Variants in TMEM91 observed in about 807,000 individuals in gnomAD.
TMEM91 encodes dispanin subfamily C member 3.
Under a neutral mutation model 13.3 loss-of-function variants are expected in TMEM91, and 6 were observed. That is an observed-to-expected ratio of 0.45 (90% confidence interval 0.25 to 0.89). The LOEUF (loss-of-function observed/expected upper bound fraction) is 0.89. TMEM91 is among the 40% of genes least tolerant of loss of function. The probability of loss-of-function intolerance (pLI) is 0.19; values close to 1 mark genes in which losing one functional copy is unlikely to be tolerated. For missense variants in TMEM91, 193 were observed against 228.7 expected (o/e 0.84, Z 1.01); for synonymous variants, 87 against 101.7 (o/e 0.86, Z 0.87).
Position 41,383,919 on chromosome 19 carries a change from C to A in TMEM91, c.*46C>A. Reference sequence around the variant, plus strand: ...GTGAACCCTGAGGCCGGCAGCCCAGCAAATCTGTGGGCAGAGAGTGGAGAA... The same window carrying A: ...GTGAACCCTGAGGCCGGCAGCCCAGAAAATCTGTGGGCAGAGAGTGGAGAA... On this transcript the variant is annotated 3_prime_UTR_variant, in exon 4 of 4. Coordinates refer to ENST00000392002, the MANE Select transcript of TMEM91 (RefSeq NM_001098821.2). 6.3e-7 allele frequency: 1 copy of A among 1,577,570 alleles called. No homozygotes were observed. The highest frequency in any genetic ancestry group is 1.9e-5 in the Admixed American group (1 of 51,658).
At chr19:41,369,379 G>C (rs368196333) in intron 1 of TMEM91, among the ~76,000 whole-genome samples, 1 of 151,842 alleles carries the variant, frequency 6.6e-6, no homozygotes. Context: ...GTATGGCCGC[G>C]CCTGGCCATC....
At chr19:41,368,288 A>G (rs1270440423) in intron 1 of TMEM91, among the ~76,000 whole-genome samples, 1 of 151,902 alleles carries the variant, frequency 6.6e-6, no homozygotes, top group African/African-American at 2.4e-5. Context: ...ATGGTGACAC[A>G]TGTCTGCAGT....
chr19:41,375,377 C>G (rs1351053360), upstream of TMEM91, among the ~76,000 whole-genome samples: 2 of 139,794 alleles, frequency 1.4e-5, no homozygotes, highest in Non-Finnish European at 3.0e-5. Flanking sequence ...CTCCCGGGTC[C>G]ACGCCATTCT....
intron 1 of TMEM91, among the ~76,000 whole-genome samples, chr19:41,370,688 A>G (rs975660561): frequency 1.3e-5 from 2 of 151,710 alleles, no homozygotes; most frequent in African/African-American, 4.8e-5. Flanking sequence ...TACAAGCGTG[A>G]GCCACCGTGC....
rs34140170 is a variant in TMEM91 at position 41,371,311 on chromosome 19, CTCCTTCCTTCCT to C, written c.-29-6923_-29-6912del. On this transcript the variant is annotated intron_variant, in intron 1 of 3. Transcript: ENST00000413014. ...ACCACCATGCCTGGCCCACTATCCT[CTCCTTCCTTCCT>C]TCCTTCCTTCCTTCCTTCCTTCCTT... Among the ~76,000 whole-genome samples the C allele has an allele frequency of 9.2e-3, 1,027 of 111,980 alleles. 11 individuals carry two copies. Among genetic ancestry groups the C allele is most frequent in the African/African-American group, 0.029 (813 of 28,124 alleles). 73.5% of individuals were successfully genotyped at this position (111,980 alleles called of 152,430 possible).
chr19:41,370,973 G>A (rs1276685574), intron 1 of TMEM91, among the ~76,000 whole-genome samples: 1 of 151,946 alleles, frequency 6.6e-6, no homozygotes, highest in Non-Finnish European at 1.5e-5. Context: ...AAAGTGCTGG[G>A]ATTACAGGCG....
intron 3 of TMEM91, 121 bp from the exon 4 acceptor site, chr19:41,383,594 G>A (rs376577519): frequency 5.6e-5 from 91 of 1,613,526 alleles, no homozygotes; most frequent in Non-Finnish European, 7.2e-5. Context: ...TAGGTGCTAC[G>A]TATCTGCTTT....
intron 1 of TMEM91, among the ~76,000 whole-genome samples, chr19:41,369,630 C>A (rs909902750): frequency 6.6e-6 from 1 of 151,600 alleles, no homozygotes; most frequent in African/African-American, 2.4e-5. Flanking sequence ...CATGGTGAAA[C>A]CCCATCCCTC....
chr19:41,371,325 C>T (rs1332320764), intron 1 of TMEM91, among the ~76,000 whole-genome samples: 2 of 142,414 alleles, frequency 1.4e-5, no homozygotes, highest in African/African-American at 5.3e-5. Context: ...TTCCTTCCTT[C>T]CTTCCTTCCT....
chr19:41,378,640 C>T, intron 2 of TMEM91, 121 bp downstream of exon 2: 10 of 971,650 alleles, frequency 1.0e-5, no homozygotes, highest in Non-Finnish European at 1.5e-5. Context: ...TCTCACTTCC[C>T]AGCTGTGTGT....
intron 2 of TMEM91, 78 bp from the exon 3 acceptor site, chr19:41,382,694 T>C: frequency 6.5e-7 from 1 of 1,534,948 alleles, no homozygotes; most frequent in Non-Finnish European, 8.8e-7. Context: ...GTATTGGCCT[T>C]TGAGGGCTAT....
chr19:41,371,530 C>A (rs1245364700), intron 1 of TMEM91, among the ~76,000 whole-genome samples: 4 of 149,408 alleles, frequency 2.7e-5, no homozygotes, highest in Non-Finnish European at 5.9e-5. Context: ...AGTGATTCTC[C>A]TGCCTCAGCC....
At chr19:41,374,787 C>T (rs1414900735), upstream of TMEM91, among the ~76,000 whole-genome samples, 1 of 152,060 alleles carries the variant, frequency 6.6e-6, no homozygotes, top group Admixed American at 6.6e-5. Context: ...AGTTCAAGAC[C>T]AGCCTGACTC....
rs187440063 is a variant in TMEM91, at chr19:41,383,993, G to A, written c.*120G>A. ...GCGGCAGGAGCATCTAGAAACGGGA[G>A]CGAGCTGGACTGGAACCCTTCCCCT... On this transcript the variant is annotated 3_prime_UTR_variant, in exon 4 of 4. Coordinates refer to ENST00000392002, the MANE Select transcript of TMEM91 (RefSeq NM_001098821.2). The A allele has an allele frequency of 7.4e-6, 11 of 1,480,178 alleles. No homozygotes were observed. Among genetic ancestry groups the A allele is most frequent in the African/African-American group, 2.9e-5 (2 of 68,900 alleles). 91.7% of individuals were successfully genotyped at this position (1,480,178 alleles called of 1,614,324 possible).
upstream of TMEM91, among the ~76,000 whole-genome samples, chr19:41,375,297 T>TTTTTTTTTTTTTC (rs869066634): frequency 8.8e-5 from 10 of 113,262 alleles, no homozygotes; most frequent in South Asian, 2.9e-4. Flanking sequence ...TTTTTTTTTT[T>TTTTTTTTTTTTTC]TGAGACGGAG....
At chr19:41,371,081 A>G (rs1162563891) in intron 1 of TMEM91, among the ~76,000 whole-genome samples, 1 of 151,486 alleles carries the variant, frequency 6.6e-6, no homozygotes. Context: ...AGCTCACCAC[A>G]ACCTCTGCCT....
At chr19:41,383,255 C>T (rs1217547691) in intron 3 of TMEM91, 6 of 385,500 alleles carry the variant, frequency 1.6e-5, no homozygotes, top group South Asian at 1.3e-4. Context: ...GGTTTCACCA[C>T]GTTGGCCACG....
chr19:41,378,322 A>G lies in TMEM91; in HGVS notation c.13A>G (p.Ser5Gly), dbSNP rs778133667. 11 of 1,614,034 alleles carry G rather than the reference A, an allele frequency of 6.8e-6. No homozygotes were observed. The East Asian group carries it at 2.2e-4, about 33-fold the overall frequency. MDSP[S>G]LRELQQPLLE... ...TTTCCCCAAAGCCATGGACAGCCCT[A>G]GTCTTCGTGAGCTTCAACAGCCTCT... Residue 5 changes from serine (S) to glycine (G), a missense_variant, in exon 2 of 4, where the codon AGT becomes GGT. Coordinates refer to ENST00000392002, the MANE Select transcript of TMEM91 (RefSeq NM_001098821.2).
chr19:41,378,177 C>G, intron 1 of TMEM91, 104 bp from the exon 2 acceptor site: 2 of 817,760 alleles, frequency 2.4e-6, no homozygotes, highest in Non-Finnish European at 3.9e-6. Flanking sequence ...GTCTGAGGAC[C>G]ACTGCACTAA....
Sources: gnomAD v4.1 joint callset for allele counts (sites outside exome capture counted in the v4.1 genomes callset) on GRCh38, gnomAD v4.1.1 for gene constraint, MANE v1.5 for transcripts, NCBI Gene and HGNC (gene_info 2026-07-23, HGNC 2026-07-21) for gene names.